Variants in THSD7B observed in about 807,000 individuals in gnomAD.
The protein encoded by THSD7B is thrombospondin type 1 domain containing 7B.
In THSD7B, 138 loss-of-function variants were observed where a neutral mutation model predicts 213.6. The observed-to-expected ratio is 0.65, with a 90% CI of 0.56 to 0.74. The LOEUF (loss-of-function observed/expected upper bound fraction) is 0.74. Ranked by LOEUF, THSD7B falls within the 30% of genes least tolerant of loss-of-function variation. The pLI is 0.00. For missense variants in THSD7B, 1,931 were observed against 1,991.5 expected (o/e 0.97, Z 0.58); for synonymous variants, 742 against 687.0 (o/e 1.08, Z -1.25).
intron 2 of THSD7B, among the ~76,000 whole-genome samples, chr2:136,981,318 A>G (rs1378872566): frequency 1.3e-5 from 2 of 152,154 alleles, no homozygotes; most frequent in Non-Finnish European, 2.9e-5. Context: ...TGAGATGATT[A>G]AAGAGAGCAG....
intron 1 of THSD7B, among the ~76,000 whole-genome samples, chr2:136,849,991 G>A (rs182069203): frequency 1.3e-5 from 2 of 152,050 alleles, no homozygotes; most frequent in South Asian, 2.1e-4. Context: ...GAGTTAAGCA[G>A]TATCCTTTAT....
intron 12 of THSD7B, among the ~76,000 whole-genome samples, chr2:137,334,170 T>TTCTC (rs139280559): frequency 0.017 from 2,597 of 148,874 alleles, 70 homozygotes; most frequent in African/African-American, 0.061. Flanking sequence ...CTTTCTCTCT[T>TTCTC]TCTCTCTCTC....
chr2:136,989,990 T>G (rs1197299449), intron 2 of THSD7B, among the ~76,000 whole-genome samples: 1 of 152,066 alleles, frequency 6.6e-6, no homozygotes, highest in Admixed American at 6.6e-5. Flanking sequence ...CTGTCCTGTC[T>G]TCTGCTTTCT....
chr2:137,564,746 C>G (rs1190307379), intron 16 of THSD7B, among the ~76,000 whole-genome samples: 1 of 152,096 alleles, frequency 6.6e-6, no homozygotes, highest in East Asian at 1.9e-4. Flanking sequence ...GGAAAACACA[C>G]TTGAACAAGA....
chr2:137,102,757 C>T (rs998356340), intron 4 of THSD7B, among the ~76,000 whole-genome samples: 2 of 152,032 alleles, frequency 1.3e-5, no homozygotes, highest in Non-Finnish European at 2.9e-5. Flanking sequence ...GTATCAATAG[C>T]TGAATCGATC....
intron 1 of THSD7B, among the ~76,000 whole-genome samples, chr2:136,846,139 G>A (rs1683006517): frequency 6.6e-6 from 1 of 152,094 alleles, no homozygotes; most frequent in Admixed American, 6.6e-5. Flanking sequence ...GTGGGGTGTG[G>A]AGTCTTCCAG....
At chr2:137,105,209 A>G (rs1688224255) in intron 4 of THSD7B, among the ~76,000 whole-genome samples, 1 of 152,250 alleles carries the variant, frequency 6.6e-6, no homozygotes, top group Non-Finnish European at 1.5e-5. Flanking sequence ...TTTATTCACC[A>G]TGATCAAGTC....
chr2:137,203,543 A>C (rs1229524212), intron 7 of THSD7B, among the ~76,000 whole-genome samples: 1 of 151,944 alleles, frequency 6.6e-6, no homozygotes, highest in Non-Finnish European at 1.5e-5. Context: ...AAAATTCCAT[A>C]TTTCTTTTTT....
intron 17 of THSD7B, among the ~76,000 whole-genome samples, chr2:137,602,986 C>T: frequency 6.6e-6 from 1 of 152,140 alleles, no homozygotes; most frequent in East Asian, 1.9e-4. Flanking sequence ...ACTGTCTGTG[C>T]CTGACCAATT....
chr2:137,236,359 A>G (rs1432310892), intron 9 of THSD7B, among the ~76,000 whole-genome samples: 1 of 152,164 alleles, frequency 6.6e-6, no homozygotes, highest in African/African-American at 2.4e-5. Context: ...TTTCCATGTA[A>G]TTGTACAGGT....
At position 137,405,894 on chromosome 2, in the gene THSD7B, A is replaced by T. The variant is rs555709793; in HGVS notation, c.2695+87A>T. The T allele has an allele frequency of 6.8e-4, 839 of 1,236,678 alleles. 3 individuals carry two copies. The highest frequency in any genetic ancestry group is 9.0e-4 in the Admixed American group (32 of 35,464). 76.6% of individuals were successfully genotyped at this position (1,236,678 alleles called of 1,614,324 possible). ...AGAATATGAGGTCCAAAGGACAGGA[A>T]TTTGCATCAGGTCTCTTCCTCTCTC... On this transcript the variant is annotated intron_variant, in intron 13 of 27. Transcript: ENST00000409968.
chr2:136,949,569 A>G (rs1685000582), intron 2 of THSD7B, among the ~76,000 whole-genome samples: 2 of 152,202 alleles, frequency 1.3e-5, no homozygotes, highest in Non-Finnish European at 2.9e-5. Context: ...TGTAATGCAC[A>G]CCCACCTCTG....
intron 2 of THSD7B, among the ~76,000 whole-genome samples, chr2:136,887,415 A>T (rs1471542348): frequency 6.6e-6 from 1 of 151,948 alleles, no homozygotes; most frequent in Admixed American, 6.6e-5. Context: ...GTCTCACATT[A>T]CAATGTAATC....
At chr2:137,156,440 C>T (rs1176164803) in intron 5 of THSD7B, among the ~76,000 whole-genome samples, 1 of 152,178 alleles carries the variant, frequency 6.6e-6, no homozygotes, top group Non-Finnish European at 1.5e-5. Flanking sequence ...TACCCCTGGT[C>T]CTCCAATATG....
chr2:137,260,218 T>A (rs1037638901), intron 10 of THSD7B, among the ~76,000 whole-genome samples: 31 of 152,290 alleles, frequency 2.0e-4, no homozygotes, highest in African/African-American at 7.2e-4. Flanking sequence ...TATTAATAAT[T>A]TAAGAGAATT....
intron 14 of THSD7B, among the ~76,000 whole-genome samples, chr2:137,435,423 T>TA (rs903085341): frequency 6.6e-6 from 1 of 152,230 alleles, no homozygotes; most frequent in Admixed American, 6.5e-5. Flanking sequence ...TTCAGATTCT[T>TA]GATGTAATAC....
intron 12 of THSD7B, among the ~76,000 whole-genome samples, chr2:137,304,007 C>G (rs1683678915): frequency 6.6e-6 from 1 of 151,306 alleles, no homozygotes; most frequent in South Asian, 2.1e-4. Context: ...CTCCCTGTGT[C>G]CATGTGTTCT....
At chr2:137,578,340 T>A (rs1681504648) in intron 17 of THSD7B, among the ~76,000 whole-genome samples, 1 of 152,210 alleles carries the variant, frequency 6.6e-6, no homozygotes, top group Non-Finnish European at 1.5e-5. Context: ...TGGACATTCA[T>A]GGAGTGAAAC....
In THSD7B at chr2:136,978,613, C is replaced by CT. The variant is rs1203800360; in HGVS notation, c.140-77801dup. Among the ~76,000 whole-genome samples the CT allele has an allele frequency of 3.9e-5, 6 of 152,094 alleles. No homozygotes were observed. In the East Asian group the frequency reaches 1.2e-3, roughly 29 times the overall value. ...TCAGAAACTAGGATTGCAACCCCTGCTTTTTTCTACTTTCTGTTTGCTTGG... is the reference window on the plus strand; with the variant it reads ...TCAGAAACTAGGATTGCAACCCCTGCTTTTTTTCTACTTTCTGTTTGCTTGG... On this transcript the variant is annotated intron_variant, in intron 2 of 27. Coordinates refer to ENST00000409968, the MANE Select transcript of THSD7B (RefSeq NM_001316349.2).
Sources: gnomAD v4.1 joint callset for allele counts (sites outside exome capture counted in the v4.1 genomes callset) on GRCh38, gnomAD v4.1.1 for gene constraint, MANE v1.5 for transcripts, NCBI Gene and HGNC (gene_info 2026-07-23, HGNC 2026-07-21) for gene names.